The following COL28A1 variants were observed in gnomAD, a reference collection of about 807,000 sequenced individuals.
COL28A1 encodes the protein collagen alpha-1(XXVIII) chain.
A neutral mutation model predicts 150.2 loss-of-function variants in COL28A1; 161 were observed. That is an observed-to-expected ratio of 1.07 (90% confidence interval 0.94 to 1.22). The LOEUF (loss-of-function observed/expected upper bound fraction) is 1.22. COL28A1 is among the 50% of genes most tolerant of loss of function. The pLI is 0.00. For missense variants in COL28A1, 1,617 were observed against 1,388.3 expected (o/e 1.16, Z -2.62); for synonymous variants, 552 against 469.7 (o/e 1.18, Z -2.26).
intron 11 of COL28A1, among the ~76,000 whole-genome samples, chr7:7,500,867 CA>C (rs1248417364): frequency 5.9e-5 from 9 of 152,074 alleles, no homozygotes; most frequent in Non-Finnish European, 1.2e-4. Flanking sequence ...GTAGGGTATC[CA>C]AAAACTGTGG....
At chr7:7,527,819 T>G (rs1782114743) in intron 3 of COL28A1, among the ~76,000 whole-genome samples, 1 of 152,094 alleles carries the variant, frequency 6.6e-6, no homozygotes, top group East Asian at 1.9e-4. Context: ...AGGTTTATGC[T>G]GTGAGAAGGG....
rs553034617 is a variant in COL28A1, at chr7:7,498,369, A to G, written c.1026+7645T>C. ...AAATTCAGGGTGGACATGCTCCATT[A>G]ACCTAAAAACAAGGCCACTGATTTA... On this transcript the variant is annotated intron_variant, in intron 11 of 34. Transcript: ENST00000399429. Among the ~76,000 whole-genome samples, 6 of 152,304 alleles carry G rather than the reference A, an allele frequency of 3.9e-5. No individual in the cohort carries two copies. The East Asian group carries it at 1.2e-3, about 29-fold the overall frequency.
At chr7:7,543,519 T>C in the COL28A1 span, among the ~76,000 whole-genome samples, 1 of 152,204 alleles carries the variant, frequency 6.6e-6, no homozygotes, top group Admixed American at 6.5e-5. Flanking sequence ...TTGTAGCAGA[T>C]TTCTATTGTG....
intron 7 of COL28A1, among the ~76,000 whole-genome samples, chr7:7,516,818 T>C (rs1781439697): frequency 6.6e-6 from 1 of 152,162 alleles, no homozygotes; most frequent in Non-Finnish European, 1.5e-5. Flanking sequence ...GGTCTCAAAC[T>C]AGTGGCCTTA....
At chr7:7,447,641 T>C (rs929924834) in intron 18 of COL28A1, among the ~76,000 whole-genome samples, 1 of 151,780 alleles carries the variant, frequency 6.6e-6, no homozygotes, top group African/African-American at 2.4e-5. Flanking sequence ...AATAGACAAA[T>C]GGAAGATATA....
At chr7:7,461,807 C>G (rs1041575074) in intron 15 of COL28A1, among the ~76,000 whole-genome samples, 1 of 152,160 alleles carries the variant, frequency 6.6e-6, no homozygotes, top group Non-Finnish European at 1.5e-5. Context: ...CCCTATCCAC[C>G]CTGGTAACTG....
chr7:7,404,314 GACAGTT>G (rs1373394311), intron 27 of COL28A1, among the ~76,000 whole-genome samples: 1 of 151,862 alleles, frequency 6.6e-6, no homozygotes, highest in Non-Finnish European at 1.5e-5. Context: ...GCCCCCAGGA[GACAGTT>G]ACTCTTTCAA....
intron 15 of COL28A1, among the ~76,000 whole-genome samples, chr7:7,463,031 T>G (rs533883173): frequency 6.6e-6 from 1 of 151,510 alleles, no homozygotes; most frequent in East Asian, 1.9e-4. Context: ...AAATCTGGGA[T>G]TATGTTAAAT....
At chr7:7,404,345 C>T (rs1783382880) in intron 27 of COL28A1, among the ~76,000 whole-genome samples, 1 of 151,788 alleles carries the variant, frequency 6.6e-6, no homozygotes, top group South Asian at 2.1e-4. Flanking sequence ...TAAGTCAGAC[C>T]ATATCATGCT....
At chr7:7,405,359 T>C (rs571406182) in intron 27 of COL28A1, among the ~76,000 whole-genome samples, 55 of 152,282 alleles carry the variant, frequency 3.6e-4, no homozygotes, top group Admixed American at 2.8e-3. Context: ...TTAAGATAGA[T>C]TGACGTCTGT....
intron 33 of COL28A1, 25 bp downstream of exon 33, chr7:7,370,700 C>T (rs775295047): frequency 1.3e-6 from 2 of 1,584,188 alleles, no homozygotes; most frequent in Non-Finnish European, 1.7e-6. Context: ...TTTAAGCTCA[C>T]AAAGTAAGTG....
intron 27 of COL28A1, among the ~76,000 whole-genome samples, chr7:7,410,384 A>G (rs1304041777): frequency 1.3e-5 from 2 of 152,168 alleles, no homozygotes. Flanking sequence ...ATAATCCTAA[A>G]ACACCAAACT....
intron 27 of COL28A1, among the ~76,000 whole-genome samples, chr7:7,415,744 G>A (rs1784040647): frequency 1.3e-5 from 2 of 152,086 alleles, no homozygotes; most frequent in Admixed American, 1.3e-4. Flanking sequence ...ATATTGGTGA[G>A]GCTGGTCTCA....
intron 11 of COL28A1, among the ~76,000 whole-genome samples, chr7:7,491,739 T>A (rs2128370498): frequency 6.6e-6 from 1 of 152,366 alleles, no homozygotes; most frequent in African/African-American, 2.4e-5. Flanking sequence ...ACTCACACAG[T>A]TACAGCTCTT....
Position 7,417,840 on chromosome 7 carries a change from C to T in COL28A1, c.2136+19G>A, listed in dbSNP as rs533030170. 8.7e-6 allele frequency: 14 copies of T among 1,609,306 alleles called. No individual in the cohort carries two copies. The South Asian group carries it at 1.5e-4, about 18-fold the overall frequency. ...CTGGTGAAATCAGAGGTGACTCCAG[C>T]ACAACCCTATTCACTTACTTTAATT... On this transcript the variant is annotated intron_variant, in intron 27 of 34. Coordinates refer to ENST00000399429, the MANE Select transcript of COL28A1 (RefSeq NM_001037763.3).
chr7:7,370,415 C>G (rs1046694427), intron 33 of COL28A1, among the ~76,000 whole-genome samples: 2 of 152,138 alleles, frequency 1.3e-5, no homozygotes, highest in African/African-American at 4.8e-5. Context: ...TAGGTGAATT[C>G]AGAGTGTTGT....
At chr7:7,408,542 T>C (rs990212991) in intron 27 of COL28A1, among the ~76,000 whole-genome samples, 3 of 152,162 alleles carry the variant, frequency 2.0e-5, no homozygotes, top group African/African-American at 7.2e-5. Flanking sequence ...CAAAAATACA[T>C]GTCCTTCAAC....
intron 30 of COL28A1, among the ~76,000 whole-genome samples, chr7:7,377,396 C>T (rs959559558): frequency 2.0e-5 from 3 of 152,072 alleles, no homozygotes; most frequent in Non-Finnish European, 2.9e-5. Context: ...AGCAGACAAA[C>T]GAAGACTTTC....
intron 19 of COL28A1, 22 bp from the exon 20 acceptor site, chr7:7,443,675 T>C: frequency 6.2e-7 from 1 of 1,613,782 alleles, no homozygotes; most frequent in South Asian, 1.1e-5. Context: ...GACACTGATG[T>C]GTTAGCTGAC....
Sources: gnomAD v4.1 joint callset for allele counts (sites outside exome capture counted in the v4.1 genomes callset) on GRCh38, gnomAD v4.1.1 for gene constraint, MANE v1.5 for transcripts, NCBI Gene and HGNC (gene_info 2026-07-23, HGNC 2026-07-21) for gene names.